Variants in SPPL3 observed in about 807,000 individuals in gnomAD.
SPPL3 encodes signal peptide peptidase-like 3.
In SPPL3, 5 loss-of-function variants were observed where a neutral mutation model predicts 42.4. The observed-to-expected ratio is 0.12, with a 90% CI of 0.06 to 0.25. The LOEUF (loss-of-function observed/expected upper bound fraction) is 0.25, where lower values mean the gene tolerates loss of function less well. Ranked by LOEUF, SPPL3 falls within the 10% of genes least tolerant of loss-of-function variation. The pLI is 1.00. For missense variants in SPPL3, 235 were observed against 489.0 expected (o/e 0.48, Z 4.90); for synonymous variants, 195 against 181.8 (o/e 1.07, Z -0.58).
intron 6 of SPPL3, among the ~76,000 whole-genome samples, chr12:120,771,345 G>T (rs745930558): frequency 6.6e-6 from 1 of 152,082 alleles, no homozygotes; most frequent in African/African-American, 2.4e-5. Context: ...CTTCGGCCAC[G>T]CCGCCGCTTC....
chr12:120,788,835 T>C (rs1398853040), intron 3 of SPPL3, among the ~76,000 whole-genome samples: 2 of 152,248 alleles, frequency 1.3e-5, no homozygotes, highest in African/African-American at 4.8e-5. Context: ...TTGTTCCACA[T>C]TGTTAATCAT....
intron 9 of SPPL3, among the ~76,000 whole-genome samples, chr12:120,766,833 T>A (rs1486260590): frequency 6.6e-6 from 1 of 152,236 alleles, no homozygotes; most frequent in Non-Finnish European, 1.5e-5. Flanking sequence ...TGAACCCATG[T>A]GAATGAACTG....
Position 120,791,468 on chromosome 12 carries a change from C to A in SPPL3, c.190+1G>T. ...AAGTTAATTGACATAAAATATCTTA[C>A]TATTATTGGTGCTGTTGCCATTGAA... On this transcript the variant is annotated splice_donor_variant, in intron 3 of 10. Transcript: ENST00000353487. LOFTEE classifies it high-confidence loss of function. 6.3e-7 allele frequency: 1 copy of A among 1,584,718 alleles called. No homozygotes were observed. The highest frequency in any genetic ancestry group is 8.6e-7 in the Non-Finnish European group (1 of 1,167,080).
intron 8 of SPPL3, 28 bp from the exon 9 acceptor site, chr12:120,767,621 C>T (rs371555279): frequency 1.4e-5 from 22 of 1,610,720 alleles, no homozygotes; most frequent in South Asian, 5.5e-5. Flanking sequence ...AGGTTAGTGA[C>T]GTCACACTCT....
intron 8 of SPPL3, 75 bp downstream of exon 8, chr12:120,768,250 A>C: frequency 6.6e-7 from 1 of 1,525,260 alleles, no homozygotes; most frequent in Non-Finnish European, 8.9e-7. Flanking sequence ...TGCTGATGAC[A>C]TTAGAGACTG....
intron 7 of SPPL3, 53 bp downstream of exon 7, chr12:120,768,900 T>G: frequency 6.8e-7 from 1 of 1,473,122 alleles, no homozygotes. Context: ...CAGGCATGAA[T>G]GCTTCACTTC....
chr12:120,882,803 A>G (rs548452), intron 1 of SPPL3, among the ~76,000 whole-genome samples: 73,241 of 151,922 alleles, frequency 0.48, 17,955 homozygotes, highest in East Asian at 0.56. Flanking sequence ...CCAAGGCGAA[A>G]GATTGCTTGA....
intron 6 of SPPL3, among the ~76,000 whole-genome samples, chr12:120,778,404 A>C (rs374310437): frequency 2.6e-5 from 4 of 152,152 alleles, no homozygotes; most frequent in African/African-American, 9.6e-5. Context: ...AGCATGAGCC[A>C]CCGCGCCCGG....
At chr12:120,815,948 T>C (rs952491382) in intron 1 of SPPL3, among the ~76,000 whole-genome samples, 3 of 152,194 alleles carry the variant, frequency 2.0e-5, no homozygotes, top group Admixed American at 6.5e-5. Context: ...CAGGCTGGTC[T>C]CAAACTCCTG....
rs1868696639 is a variant in SPPL3 at position 120,762,564 on chromosome 12, T to C, written c.*2435A>G. On this transcript the variant is annotated 3_prime_UTR_variant, in exon 11 of 11. Transcript: ENST00000353487. Reference sequence around the variant, plus strand: ...CTTATGAAAACAAAGACAGAAAAATTAAAATGACCCACTGCCAGGATAACA... The same window carrying C: ...CTTATGAAAACAAAGACAGAAAAATCAAAATGACCCACTGCCAGGATAACA... The C allele has an allele frequency of 6.6e-6, 1 of 151,278 alleles. No individual in the cohort carries two copies. The highest frequency in any genetic ancestry group is 2.4e-5 in the African/African-American group (1 of 41,092). 9.4% of individuals were successfully genotyped at this position (151,278 alleles called of 1,614,324 possible).
chr12:120,828,924 T>A (rs1222163225), intron 1 of SPPL3, among the ~76,000 whole-genome samples: 1 of 151,766 alleles, frequency 6.6e-6, no homozygotes, highest in Non-Finnish European at 1.5e-5. Context: ...TCCGGCTAAG[T>A]TTTTTATTTT....
chr12:120,821,417 G>A (rs614582), intron 1 of SPPL3, among the ~76,000 whole-genome samples: 146,628 of 152,332 alleles, frequency 0.96, 70,829 homozygotes, highest in East Asian at 1. Context: ...GCTGGCTGCA[G>A]CAAACATAAG....
chr12:120,821,972 T>C (rs1387535495), intron 1 of SPPL3, among the ~76,000 whole-genome samples: 1 of 148,906 alleles, frequency 6.7e-6, no homozygotes, highest in Non-Finnish European at 1.5e-5. Context: ...AAAAACATGA[T>C]GCTATGTGAA....
chr12:120,871,130 C>CAAAAA lies in SPPL3; in HGVS notation c.23+32710_23+32714dup, dbSNP rs71453512. Among the ~76,000 whole-genome samples the CAAAAA allele has an allele frequency of 7.9e-4, 41 of 51,708 alleles. 4 individuals carry two copies. Among genetic ancestry groups the CAAAAA allele is most frequent in the Middle Eastern group, 0.016 (1 of 64 alleles). 33.9% of individuals were successfully genotyped at this position (51,708 alleles called of 152,430 possible). ...GGGCGACAGAGTGAGACTCCGTCTC[C>CAAAAA]AAAAAAAAAAAAAAAAAAAGAAAAA... On this transcript the variant is annotated intron_variant, in intron 1 of 10. Coordinates refer to ENST00000353487, the MANE Select transcript of SPPL3 (RefSeq NM_139015.5).
intron 1 of SPPL3, among the ~76,000 whole-genome samples, chr12:120,885,200 G>A (rs1263035150): frequency 6.6e-6 from 1 of 152,250 alleles, no homozygotes; most frequent in African/African-American, 2.4e-5. Flanking sequence ...AAGTGTCAAA[G>A]TATAAAATAT....
intron 10 of SPPL3, 67 bp from the exon 11 acceptor site, chr12:120,765,137 TAAA>T (rs869088981): frequency 8.4e-7 from 1 of 1,196,678 alleles, no homozygotes; most frequent in African/African-American, 1.6e-5. Flanking sequence ...TCTGATTCTT[TAAA>T]AAAAAAAAAT....
chr12:120,884,808 GTT>G (rs1555254341), intron 1 of SPPL3, among the ~76,000 whole-genome samples: 79 of 137,492 alleles, frequency 5.7e-4, no homozygotes, highest in Admixed American at 2.6e-3. Flanking sequence ...TTTTTTTTGG[GTT>G]TTTTTTTTTT....
intron 1 of SPPL3, among the ~76,000 whole-genome samples, chr12:120,896,912 A>T (rs1165349835): frequency 1.3e-5 from 2 of 152,254 alleles, no homozygotes; most frequent in Admixed American, 1.3e-4. Context: ...GAATTTTAAA[A>T]ATCAAATTAT....
intron 1 of SPPL3, among the ~76,000 whole-genome samples, chr12:120,812,884 T>A (rs147989795): frequency 6.6e-6 from 1 of 152,130 alleles, no homozygotes; most frequent in Non-Finnish European, 1.5e-5. Context: ...ATAAAGAACA[T>A]AACACATTAA....
Sources: gnomAD v4.1 joint callset for allele counts (sites outside exome capture counted in the v4.1 genomes callset) on GRCh38, gnomAD v4.1.1 for gene constraint, MANE v1.5 for transcripts, NCBI Gene and HGNC (gene_info 2026-07-23, HGNC 2026-07-21) for gene names.